The following ZFYVE9 variants were observed in gnomAD, a reference collection of about 807,000 sequenced individuals.
ZFYVE9 encodes the protein zinc finger FYVE domain-containing protein 9.
Under a neutral mutation model 126.7 loss-of-function variants are expected in ZFYVE9, and 43 were observed. That is an observed-to-expected ratio of 0.34 (90% CI 0.27 to 0.44). The LOEUF is 0.44. ZFYVE9 is among the 20% of genes least tolerant of loss of function. The pLI, the probability that ZFYVE9 is intolerant of heterozygous loss-of-function variation, is 1.00. For missense variants in ZFYVE9, 1,476 were observed against 1,697.0 expected (o/e 0.87, Z 2.29); for synonymous variants, 521 against 597.4 (o/e 0.87, Z 1.87).
At chr1:52,194,048 G>T (rs1428938352) in intron 1 of ZFYVE9, among the ~76,000 whole-genome samples, 2 of 152,146 alleles carry the variant, frequency 1.3e-5, no homozygotes, top group African/African-American at 4.8e-5. Flanking sequence ...AGCGAAGGTT[G>T]CAGTGAGCTG....
chr1:52,187,977 T>C (rs1644780147), intron 1 of ZFYVE9, among the ~76,000 whole-genome samples: 1 of 152,218 alleles, frequency 6.6e-6, no homozygotes, highest in Non-Finnish European at 1.5e-5. Flanking sequence ...CATTACTGGG[T>C]ATATACCCAA....
chr1:52,310,125 T>G (rs946108208), intron 13 of ZFYVE9, among the ~76,000 whole-genome samples: 1 of 151,808 alleles, frequency 6.6e-6, no homozygotes, highest in South Asian at 2.1e-4. Flanking sequence ...GCACACACCA[T>G]CATGTCCGGC....
intron 13 of ZFYVE9, 21 bp downstream of exon 13, chr1:52,303,946 G>T: frequency 6.5e-7 from 1 of 1,529,570 alleles, no homozygotes; most frequent in South Asian, 1.3e-5. Flanking sequence ...CCATGAAGGC[G>T]TATTTTTCAT....
At chr1:52,233,980 C>T (rs1213190218) in intron 3 of ZFYVE9, among the ~76,000 whole-genome samples, 1 of 152,034 alleles carries the variant, frequency 6.6e-6, no homozygotes, top group African/African-American at 2.4e-5. Flanking sequence ...GGGGTTTCGC[C>T]TTGTTGGCCA....
chr1:52,263,094 A>G (rs534467279), intron 4 of ZFYVE9, among the ~76,000 whole-genome samples: 41 of 145,464 alleles, frequency 2.8e-4, no homozygotes, highest in African/African-American at 6.6e-4. Context: ...AAAAAAAAAA[A>G]AAAGAAAAGA....
intron 1 of ZFYVE9, chr1:52,160,183 G>A: frequency 1.5e-6 from 1 of 665,368 alleles, no homozygotes; most frequent in South Asian, 1.8e-5. Context: ...AGGCTGTGAG[G>A]TTGGAGGCGC....
intron 2 of ZFYVE9, among the ~76,000 whole-genome samples, chr1:52,232,818 AACTTCCCTGTC>A (rs954188624): frequency 5.3e-5 from 8 of 151,842 alleles, no homozygotes; most frequent in African/African-American, 1.9e-4. Flanking sequence ...CCTGTACTTA[AACTTCCCTGTC>A]ATTTCCCATT....
At chr1:52,332,945 T>G (rs1646355760) in intron 14 of ZFYVE9, 27 bp downstream of exon 14, 1 of 1,613,554 alleles carries the variant, frequency 6.2e-7, no homozygotes, top group African/African-American at 1.3e-5. Context: ...GTTGAGATTA[T>G]GATAATGGAA....
intron 13 of ZFYVE9, among the ~76,000 whole-genome samples, chr1:52,317,379 G>A (rs770629946): frequency 5.9e-5 from 9 of 151,646 alleles, no homozygotes; most frequent in African/African-American, 7.3e-5. Flanking sequence ...AAAATTATCC[G>A]GGCATGATGG....
chr1:52,144,231 A>G (rs1644287940), intron 1 of ZFYVE9, among the ~76,000 whole-genome samples: 1 of 152,132 alleles, frequency 6.6e-6, no homozygotes, highest in South Asian at 2.1e-4. Flanking sequence ...AGGCACAAGA[A>G]TCATTTGAAC....
chr1:52,243,240 G>A (rs1190586389), intron 4 of ZFYVE9, among the ~76,000 whole-genome samples: 1 of 152,186 alleles, frequency 6.6e-6, no homozygotes, highest in Non-Finnish European at 1.5e-5. Flanking sequence ...GGTATGTAAA[G>A]ATTAGGCCAG....
intron 12 of ZFYVE9, among the ~76,000 whole-genome samples, chr1:52,302,852 G>T (rs1457841179): frequency 6.0e-5 from 9 of 148,766 alleles, no homozygotes; most frequent in Non-Finnish European, 2.9e-5. Flanking sequence ...GCTCACGACT[G>T]TAATTGTAGC....
At chr1:52,324,022 G>A (rs910440212) in intron 13 of ZFYVE9, among the ~76,000 whole-genome samples, 12 of 150,708 alleles carry the variant, frequency 8.0e-5, no homozygotes, top group African/African-American at 2.5e-4. Flanking sequence ...TTGTGCCATT[G>A]CACTCCAGCC....
At chr1:52,339,245 T>G (rs1296189603) in intron 16 of ZFYVE9, among the ~76,000 whole-genome samples, 1 of 152,142 alleles carries the variant, frequency 6.6e-6, no homozygotes. Context: ...CATAGATACT[T>G]GTTTACACTA....
intron 1 of ZFYVE9, among the ~76,000 whole-genome samples, chr1:52,203,228 C>G (rs1316726244): frequency 6.6e-6 from 1 of 151,976 alleles, no homozygotes; most frequent in Non-Finnish European, 1.5e-5. Flanking sequence ...TTTGCCCAGA[C>G]TGGAGTGCAG....
At chr1:52,243,107 A>C (rs908570620) in intron 4 of ZFYVE9, among the ~76,000 whole-genome samples, 1 of 152,232 alleles carries the variant, frequency 6.6e-6, no homozygotes. Flanking sequence ...AATGTTTGTT[A>C]ATGAGTGAGT....
Position 52,238,570 on chromosome 1 carries a change from G to C in ZFYVE9, c.1153G>C (p.Glu385Gln), listed in dbSNP as rs376275048. ...YEHEETLGTT[E>Q]FLNMTEHFSE... ...ACATGAAGAAACTCTTGGCACTACAGAATTCCTTAATATGACAGAGCATTT... is the reference window on the plus strand; with the variant it reads ...ACATGAAGAAACTCTTGGCACTACACAATTCCTTAATATGACAGAGCATTT... Residue 385 changes from glutamate (E) to glutamine (Q), a missense_variant, in exon 4 of 19, where the codon GAA becomes CAA. Transcript: ENST00000287727. 6.0e-5 allele frequency: 97 copies of C among 1,613,936 alleles called. No homozygotes were observed. Among genetic ancestry groups the C allele is most frequent in the Non-Finnish European group, 6.8e-5 (80 of 1,179,962 alleles).
intron 1 of ZFYVE9, chr1:52,162,488 C>A: frequency 3.9e-6 from 1 of 253,318 alleles, no homozygotes; most frequent in South Asian, 6.3e-5. Flanking sequence ...TTCTGTTTGC[C>A]CTTACCATAG....
At chr1:52,274,367 C>T (rs1645724324) in intron 7 of ZFYVE9, 97 bp from the exon 8 acceptor site, 3 of 1,392,052 alleles carry the variant, frequency 2.2e-6, no homozygotes, top group Admixed American at 4.5e-5. Flanking sequence ...GTATGAATTT[C>T]AGATTTTCAC....
Sources: allele counts gnomAD v4.1 joint callset (sites outside exome capture counted in the v4.1 genomes callset), GRCh38; gene constraint gnomAD v4.1.1; transcripts MANE v1.5; gene names NCBI Gene and HGNC (gene_info 2026-07-23, HGNC 2026-07-21).